The following TMEM87A variants were observed in gnomAD, a reference collection of about 807,000 sequenced individuals.
TMEM87A encodes the protein transmembrane protein 87A.
A neutral mutation model predicts 90.0 loss-of-function variants in TMEM87A; 50 were observed. The observed-to-expected ratio is 0.56, with a 90% CI of 0.44 to 0.70. TMEM87A has a LOEUF of 0.70. Ranked by LOEUF, TMEM87A falls within the 30% of genes least tolerant of loss-of-function variation. The pLI is 0.00. For missense variants in TMEM87A, 577 were observed against 660.5 expected (o/e 0.87, Z 1.39); for synonymous variants, 226 against 226.7 (o/e 1.00, Z 0.03).
intron 4 of TMEM87A, chr15:42,262,318 C>T (rs1029819957): frequency 3.3e-5 from 5 of 152,182 alleles, no homozygotes; most frequent in Non-Finnish European, 1.5e-5. Flanking sequence ...GCTTTCTCTA[C>T]CATTCTTTCA....
At position 42,211,687 on chromosome 15, in the gene TMEM87A, A is replaced by C. The variant is rs1001425448; in HGVS notation, c.*21T>G. 7.4e-6 allele frequency: 12 copies of C among 1,612,406 alleles called. No individual in the cohort carries two copies. The stretch of plus-strand genomic sequence containing the variant: ...CTCTTCCCTGATGGTAGCCATCTTT[A>C]ACTGCAAATCTTCCCATTCCTTACT... On this transcript the variant is annotated 3_prime_UTR_variant, in exon 20 of 20. Transcript: ENST00000389834.
At chr15:42,257,416 GTAGAAACAGCCTGAAGCCCTCAC>G (rs2051204792) in intron 6 of TMEM87A, among the ~76,000 whole-genome samples, 1 of 152,024 alleles carries the variant, frequency 6.6e-6, no homozygotes, top group African/African-American at 2.4e-5. Flanking sequence ...TCCACCATGA[GTAGAAACAGCCTGAAGCCCTCAC>G]TAGAAACAGA....
At chr15:42,263,402 G>A (rs1287396646) in intron 4 of TMEM87A, among the ~76,000 whole-genome samples, 3 of 152,106 alleles carry the variant, frequency 2.0e-5, no homozygotes, top group Non-Finnish European at 1.5e-5. Flanking sequence ...TTGGAAGGTG[G>A]GGAATTTTTG....
chr15:42,230,572 T>C (rs1358478348), intron 12 of TMEM87A, among the ~76,000 whole-genome samples: 2 of 152,236 alleles, frequency 1.3e-5, no homozygotes, highest in African/African-American at 2.4e-5. Context: ...GAGAAAAAGA[T>C]TGCTCAAATA....
intron 6 of TMEM87A, among the ~76,000 whole-genome samples, chr15:42,253,008 G>T (rs2051113684): frequency 6.6e-6 from 1 of 152,166 alleles, no homozygotes. Context: ...TGTAAAGTCT[G>T]CATTCTTAGA....
At chr15:42,259,348 C>G (rs114204753) in intron 6 of TMEM87A, among the ~76,000 whole-genome samples, 2,159 of 152,152 alleles carry the variant, frequency 0.014, 48 homozygotes, top group African/African-American at 0.05. Context: ...GTGTCAAACT[C>G]CTGGCTCTCA....
intron 6 of TMEM87A, chr15:42,259,065 C>CA (rs1376709464): frequency 5.7e-6 from 4 of 698,254 alleles, no homozygotes; most frequent in Non-Finnish European, 1.0e-5. Context: ...TCCTTAAAAC[C>CA]AAAGTCCCTG....
At chr15:42,219,678 G>GT in intron 16 of TMEM87A, 36 bp from the exon 17 acceptor site, 1 of 1,429,276 alleles carries the variant, frequency 7.0e-7, no homozygotes, top group Non-Finnish European at 9.6e-7. Context: ...GTTTAACTTT[G>GT]TGAACAGACC....
At chr15:42,272,295 T>C (rs755859372) in intron 1 of TMEM87A, among the ~76,000 whole-genome samples, 172 bp from the exon 2 acceptor site, 35 of 152,220 alleles carry the variant, frequency 2.3e-4, no homozygotes, top group Admixed American at 8.5e-4. Flanking sequence ...AACCAATCAT[T>C]TTTTCTAATG....
chr15:42,229,300 G>C (rs1236822534), intron 12 of TMEM87A, among the ~76,000 whole-genome samples: 2 of 151,894 alleles, frequency 1.3e-5, no homozygotes. Flanking sequence ...CACCATACCT[G>C]GCCGGAAGTC....
At chr15:42,216,617 C>T (rs1463562617) in intron 19 of TMEM87A, among the ~76,000 whole-genome samples, 2 of 152,128 alleles carry the variant, frequency 1.3e-5, no homozygotes, top group Non-Finnish European at 2.9e-5. Flanking sequence ...AGGAAGACCT[C>T]AAGAGGGAGA....
At chr15:42,221,311 C>CAG (rs370642700) in intron 15 of TMEM87A, among the ~76,000 whole-genome samples, 23 of 146,342 alleles carry the variant, frequency 1.6e-4, no homozygotes, top group South Asian at 6.5e-4. Context: ...GAGAGAGAGA[C>CAG]AGAGAGAGAG....
chr15:42,259,055 T>G, intron 6 of TMEM87A: 1 of 704,026 alleles, frequency 1.4e-6, no homozygotes, highest in Admixed American at 2.4e-5. Context: ...TCTCCCAAGC[T>G]CCTTAAAACC....
intron 7 of TMEM87A, among the ~76,000 whole-genome samples, chr15:42,242,635 C>T (rs1180938275): frequency 6.6e-6 from 1 of 151,918 alleles, no homozygotes; most frequent in Admixed American, 6.6e-5. Flanking sequence ...AGTGGTATCC[C>T]AGAAGTTCAA....
At chr15:42,226,587 T>A in intron 15 of TMEM87A, 2 of 495,026 alleles carry the variant, frequency 4.0e-6, no homozygotes, top group African/African-American at 1.9e-5. Context: ...TCCCCCTCAG[T>A]ATATAGAAAG....
At chr15:42,231,121 G>C in intron 12 of TMEM87A, 71 bp downstream of exon 12, 1 of 1,380,308 alleles carries the variant, frequency 7.2e-7, no homozygotes, top group Non-Finnish European at 9.8e-7. Context: ...ACTCTTTGCA[G>C]AAAGATCAAT....
chr15:42,267,647 G>T (rs1384397147), intron 3 of TMEM87A, among the ~76,000 whole-genome samples: 1 of 152,090 alleles, frequency 6.6e-6, no homozygotes, highest in Admixed American at 6.5e-5. Context: ...CATGCAATAA[G>T]TTTATTATTG....
At chr15:42,217,776 A>C in intron 19 of TMEM87A, 27 bp downstream of exon 19, 1 of 1,610,080 alleles carries the variant, frequency 6.2e-7, no homozygotes, top group Non-Finnish European at 8.5e-7. Context: ...CATATACATA[A>C]TTTATGCACG....
chr15:42,262,437 C>A (rs1440276865), intron 4 of TMEM87A, among the ~76,000 whole-genome samples: 3 of 73,912 alleles, frequency 4.1e-5, no homozygotes, highest in African/African-American at 1.4e-4. Context: ...ATCAATTATC[C>A]CTTTTTTTTT....
Sources: allele counts gnomAD v4.1 joint callset (sites outside exome capture counted in the v4.1 genomes callset), GRCh38; gene constraint gnomAD v4.1.1; transcripts MANE v1.5; gene names NCBI Gene and HGNC (gene_info 2026-07-23, HGNC 2026-07-21).